The following CCDC73 variants were observed in gnomAD, a reference collection of about 807,000 sequenced individuals.
CCDC73 encodes the protein coiled-coil domain containing 73, also known as coiled-coil domain-containing protein 73.
A neutral mutation model predicts 116.5 loss-of-function variants in CCDC73; 95 were observed. That is an observed-to-expected ratio of 0.82 (90% CI 0.69 to 0.97). The LOEUF (loss-of-function observed/expected upper bound fraction) is 0.97. CCDC73 is among the 50% of genes least tolerant of loss of function. The pLI is 0.00. For synonymous variants in CCDC73, 398 were observed against 401.3 expected (o/e 0.99, Z 0.10); for missense variants, 1,066 against 1,206.8 (o/e 0.88, Z 1.73).
chr11:32,767,493 T>C (rs1019982651), intron 1 of CCDC73, among the ~76,000 whole-genome samples: 42 of 149,602 alleles, frequency 2.8e-4, no homozygotes, highest in East Asian at 1.2e-3. Flanking sequence ...AACTAAAGAG[T>C]TTCTGCACAG....
At chr11:32,761,675 G>A (rs922425254) in intron 1 of CCDC73, among the ~76,000 whole-genome samples, 13 of 152,294 alleles carry the variant, frequency 8.5e-5, no homozygotes, top group African/African-American at 3.1e-4. Flanking sequence ...CAGAGAAACA[G>A]AATAGGATGG....
At chr11:32,802,260 C>G in the CCDC73 span, among the ~76,000 whole-genome samples, 10 of 152,160 alleles carry the variant, frequency 6.6e-5, no homozygotes, top group Admixed American at 6.5e-4. Context: ...CTAATTAATT[C>G]AAAGTTTTAT....
intron 16 of CCDC73, among the ~76,000 whole-genome samples, chr11:32,611,595 C>T (rs894813282): frequency 9.2e-5 from 14 of 152,098 alleles, no homozygotes; most frequent in Admixed American, 6.6e-4. Flanking sequence ...ATTTCCCACA[C>T]ATGTAAGCAT....
At chr11:32,612,558 G>A (rs1451534207) in intron 16 of CCDC73, among the ~76,000 whole-genome samples, 1 of 151,910 alleles carries the variant, frequency 6.6e-6, no homozygotes, top group South Asian at 2.1e-4. Context: ...CGGCAACAAA[G>A]TGAGACCTGT....
At chr11:32,773,766 C>T (rs1417768747) in intron 1 of CCDC73, among the ~76,000 whole-genome samples, 1 of 130,448 alleles carries the variant, frequency 7.7e-6, no homozygotes, top group African/African-American at 3.0e-5. Flanking sequence ...GGTAACAGAG[C>T]AAGATGCTGT....
chr11:32,721,930 A>G (rs1016840111), intron 2 of CCDC73, among the ~76,000 whole-genome samples: 3 of 152,114 alleles, frequency 2.0e-5, no homozygotes, highest in Admixed American at 6.6e-5. Flanking sequence ...GCTTTATTAT[A>G]CATACATACA....
chr11:32,830,072 A>C, the CCDC73 span: 2 of 988,310 alleles, frequency 2.0e-6, no homozygotes, highest in Non-Finnish European at 2.4e-6. Context: ...AGCGTCGCCG[A>C]GGTTTGAGGG....
intron 13 of CCDC73, among the ~76,000 whole-genome samples, chr11:32,638,766 C>T (rs183330618): frequency 6.0e-4 from 91 of 152,186 alleles, no homozygotes; most frequent in Non-Finnish European, 1.0e-3. Flanking sequence ...CATGAGCCAC[C>T]GTGCCCAGCC....
chr11:32,743,136 C>A (rs940734849), intron 2 of CCDC73, among the ~76,000 whole-genome samples: 1 of 152,128 alleles, frequency 6.6e-6, no homozygotes, highest in Non-Finnish European at 1.5e-5. Context: ...CTTGTCAATG[C>A]GGGCTCTTTT....
intron 7 of CCDC73, chr11:32,682,113 T>C (rs1226023888): frequency 6.6e-6 from 1 of 151,784 alleles, no homozygotes; most frequent in South Asian, 2.1e-4. Flanking sequence ...CATGTTTCCA[T>C]GTTTTTTTTT....
At chr11:32,714,052 C>T (rs1849923911) in intron 3 of CCDC73, among the ~76,000 whole-genome samples, 1 of 151,990 alleles carries the variant, frequency 6.6e-6, no homozygotes, top group African/African-American at 2.4e-5. Flanking sequence ...TTTGTGTTTC[C>T]AACCTGAGGA....
At chr11:32,635,629 A>G (rs1268801826) in intron 14 of CCDC73, 67 bp downstream of exon 14, 5 of 1,195,774 alleles carry the variant, frequency 4.2e-6, no homozygotes, top group East Asian at 6.6e-5. Flanking sequence ...TAAAACAGGG[A>G]AAAAAATCAT....
intron 12 of CCDC73, among the ~76,000 whole-genome samples, chr11:32,647,467 G>T (rs1257681327): frequency 1.3e-5 from 2 of 152,132 alleles, no homozygotes; most frequent in African/African-American, 2.4e-5. Context: ...GATTTGGGTG[G>T]ATAAATATCT....
At chr11:32,807,531 C>G in the CCDC73 span, among the ~76,000 whole-genome samples, 1,284 of 152,056 alleles carry the variant, frequency 8.4e-3, 4 homozygotes, top group Non-Finnish European at 0.015. Context: ...CCCAGGACAG[C>G]TTTGAATGCA....
chr11:32,694,023 T>C (rs1856286545), intron 6 of CCDC73, among the ~76,000 whole-genome samples: 3 of 152,306 alleles, frequency 2.0e-5, no homozygotes, highest in South Asian at 2.1e-4. Flanking sequence ...GATGCCCTCT[T>C]TCACCATTCC....
intron 9 of CCDC73, among the ~76,000 whole-genome samples, chr11:32,664,330 G>A (rs1246719112): frequency 1.3e-5 from 2 of 152,052 alleles, no homozygotes; most frequent in East Asian, 1.9e-4. Context: ...TTGGTTGGTA[G>A]GCTATTAATT....
intron 14 of CCDC73, among the ~76,000 whole-genome samples, chr11:32,623,992 T>C (rs1404042305): frequency 1.3e-5 from 2 of 152,212 alleles, no homozygotes; most frequent in East Asian, 3.9e-4. Context: ...GGTAGGACTA[T>C]AAACTGGTAC....
chr11:32,679,510 C>T (rs549727624), intron 7 of CCDC73, among the ~76,000 whole-genome samples: 157 of 152,054 alleles, frequency 1.0e-3, no homozygotes, highest in African/African-American at 3.5e-3. Context: ...ACTACAGGTG[C>T]GCACCACCAC....
chr11:32,669,485 T>C (rs1347889961), intron 9 of CCDC73, among the ~76,000 whole-genome samples: 1 of 152,198 alleles, frequency 6.6e-6, no homozygotes, highest in Non-Finnish European at 1.5e-5. Flanking sequence ...ACTATTTAGT[T>C]ATTTTTAAAT....
Sources: gnomAD v4.1 joint callset for allele counts (sites outside exome capture counted in the v4.1 genomes callset) on GRCh38, gnomAD v4.1.1 for gene constraint, MANE v1.5 for transcripts, NCBI Gene and HGNC (gene_info 2026-07-23, HGNC 2026-07-21) for gene names.